Variants in STIM1 observed in about 807,000 individuals in gnomAD.
The protein encoded by STIM1 is stromal interaction molecule 1.
A neutral mutation model predicts 74.7 loss-of-function variants in STIM1; 25 were observed. The observed-to-expected ratio is 0.33, with a 90% confidence interval of 0.24 to 0.47. The LOEUF (loss-of-function observed/expected upper bound fraction) is 0.47. Ranked by LOEUF, STIM1 falls within the 20% of genes least tolerant of loss-of-function variation. STIM1 has a pLI of 1.00. For synonymous variants in STIM1, 328 were observed against 348.8 expected (o/e 0.94, Z 0.66); for missense variants, 728 against 920.8 (o/e 0.79, Z 2.71).
At chr11:3,977,985 G>A (rs1284854142) in intron 2 of STIM1, among the ~76,000 whole-genome samples, 1 of 152,072 alleles carries the variant, frequency 6.6e-6, no homozygotes, top group African/African-American at 2.4e-5. Context: ...CCAGCAGTGT[G>A]CCTAACTTGA....
chr11:4,074,374 C>T, intron 6 of STIM1, 128 bp from the exon 7 acceptor site: 1 of 1,136,102 alleles, frequency 8.8e-7, no homozygotes, highest in Non-Finnish European at 1.3e-6. Context: ...GCCAGACACA[C>T]AGCAGAGCAG....
At chr11:3,978,989 C>A (rs1198813404) in intron 2 of STIM1, among the ~76,000 whole-genome samples, 2 of 152,116 alleles carry the variant, frequency 1.3e-5, no homozygotes, top group Non-Finnish European at 2.9e-5. Flanking sequence ...CCACCCCAAA[C>A]AGAATCAGAG....
At chr11:4,004,835 C>A (rs2135930088) in intron 2 of STIM1, among the ~76,000 whole-genome samples, 1 of 152,324 alleles carries the variant, frequency 6.6e-6, no homozygotes, top group East Asian at 1.9e-4. Context: ...GCAACCTACT[C>A]ATCTGACAAA....
At chr11:3,914,417 A>G (rs949476657) in intron 1 of STIM1, among the ~76,000 whole-genome samples, 5 of 152,062 alleles carry the variant, frequency 3.3e-5, no homozygotes, top group Non-Finnish European at 5.9e-5. Flanking sequence ...TGCTAGTTAC[A>G]TGTACTTGTT....
chr11:4,005,436 T>C (rs893968389), intron 2 of STIM1, among the ~76,000 whole-genome samples: 4 of 152,092 alleles, frequency 2.6e-5, no homozygotes. Context: ...TGTAGGGACA[T>C]GGATGAAATT....
Position 3,912,406 on chromosome 11 carries a change from C to T in STIM1, c.140-55146C>T, listed in dbSNP as rs191456523. Among the ~76,000 whole-genome samples, 539 of 151,420 alleles carry T rather than the reference C, an allele frequency of 3.6e-3. 4 individuals are homozygous for T. The highest frequency in any genetic ancestry group is 5.4e-3 in the Non-Finnish European group (369 of 67,894). ...TTGAGACGGAGTTTCACTTTGGTGC[C>T]CAGGCTGTAGTGCAATGGTGCGATC... is the stretch of plus-strand genomic sequence containing the variant. On this transcript the variant is annotated intron_variant, in intron 1 of 12. Transcript: ENST00000526596.
At chr11:3,914,029 A>G (rs1013675139) in intron 1 of STIM1, among the ~76,000 whole-genome samples, 2 of 152,138 alleles carry the variant, frequency 1.3e-5, no homozygotes, top group African/African-American at 4.8e-5. Context: ...ATTTAATTAC[A>G]GTAATTACAC....
In STIM1 at chr11:3,994,788, A is replaced by T. The variant is rs1429191602; in HGVS notation, c.270+27106A>T. Among the ~76,000 whole-genome samples the T allele has an allele frequency of 2.6e-5, 4 of 152,126 alleles. No individual in the cohort carries two copies. In the East Asian group the frequency reaches 7.7e-4, roughly 29 times the overall value. ...CTGGTATTCATATATTGGTGTGATT[A>T]ATGGTGTTCTACATTTCTCTGAGGC... On this transcript the variant is annotated intron_variant, in intron 2 of 12. Coordinates refer to ENST00000526596, the MANE Select transcript of STIM1 (RefSeq NM_001382567.1).
At chr11:4,051,012 CAG>C (rs1007136784) in intron 3 of STIM1, among the ~76,000 whole-genome samples, 1 of 151,698 alleles carries the variant, frequency 6.6e-6, no homozygotes. Flanking sequence ...CTTGCTGTCT[CAG>C]GGGTGGCAGA....
At chr11:4,047,385 G>A (rs1279141336) in intron 3 of STIM1, among the ~76,000 whole-genome samples, 1 of 152,138 alleles carries the variant, frequency 6.6e-6, no homozygotes, top group East Asian at 1.9e-4. Context: ...TGAGGCCAAG[G>A]TGGGAGGATC....
intron 8 of STIM1, 116 bp downstream of exon 8, chr11:4,082,467 TG>T: frequency 1.8e-6 from 2 of 1,115,316 alleles, no homozygotes; most frequent in East Asian, 5.1e-5. Context: ...AGAGATATCC[TG>T]GTGGTGGGTT....
chr11:4,070,113 A>C lies in STIM1; in HGVS notation c.701A>C (p.Asn234Thr), dbSNP rs565898232. The change falls in exon 6 of 13, where the codon AAC (asparagine) becomes ACC (threonine). Residue 234 changes from asparagine to threonine, a missense_variant. By Grantham distance (65) the Asn-to-Thr change is moderately conservative. Around this residue, in one of 5 missense-constraint regions of STIM1, gnomAD observed 132 missense variants for 158.2 expected, o/e 0.83. Transcript: ENST00000526596. Reference sequence around the variant, plus strand: ...GGCTGCTGGTTTGCCTATATCCAGAACCGTTACTCCAAGGAGCACATGAAG... The same window carrying C: ...GGCTGCTGGTTTGCCTATATCCAGACCCGTTACTCCAAGGAGCACATGAAG... ...VGGCWFAYIQ[N>T]RYSKEHMKKM... The C allele has an allele frequency of 6.2e-7, 1 of 1,614,158 alleles. No individual in the cohort carries two copies.
chr11:4,017,368 T>C (rs1352801632), intron 2 of STIM1, among the ~76,000 whole-genome samples: 1 of 152,248 alleles, frequency 6.6e-6, no homozygotes, highest in Non-Finnish European at 1.5e-5. Context: ...CCTTGTTTTC[T>C]GACCCTACTT....
intron 3 of STIM1, among the ~76,000 whole-genome samples, chr11:4,042,618 T>C (rs1036635506): frequency 9.2e-5 from 14 of 152,172 alleles, no homozygotes; most frequent in African/African-American, 3.1e-4. Context: ...CCTTTGTCAT[T>C]TGGTGTCAGC....
At chr11:3,991,864 C>T (rs989892099) in intron 2 of STIM1, among the ~76,000 whole-genome samples, 7 of 137,960 alleles carry the variant, frequency 5.1e-5, no homozygotes, top group Non-Finnish European at 9.2e-5. Context: ...GCAGGAGAAT[C>T]GTGTGAACCT....
chr11:4,062,902 A>C (rs184320494), intron 5 of STIM1, among the ~76,000 whole-genome samples: 32 of 152,332 alleles, frequency 2.1e-4, no homozygotes, highest in Non-Finnish European at 3.7e-4. Context: ...TGGTATATAC[A>C]TACAATAGAA....
intron 3 of STIM1, among the ~76,000 whole-genome samples, chr11:4,050,447 G>A (rs943116105): frequency 1.1e-4 from 16 of 152,146 alleles, no homozygotes; most frequent in African/African-American, 3.1e-4. Context: ...TGCACCAATT[G>A]GGACAGTTCT....
At chr11:4,052,353 G>A (rs992847439) in intron 3 of STIM1, among the ~76,000 whole-genome samples, 16 of 152,192 alleles carry the variant, frequency 1.1e-4, no homozygotes, top group Admixed American at 2.0e-4. Context: ...CAAGGCTACA[G>A]TAACCAAAAC....
At chr11:3,947,724 G>C (rs1036006825) in intron 1 of STIM1, 1 of 152,204 alleles carries the variant, frequency 6.6e-6, no homozygotes, top group Non-Finnish European at 1.5e-5. Context: ...TTGGTAACCA[G>C]GTAGGCACCT....
Sources: allele counts gnomAD v4.1 joint callset (sites outside exome capture counted in the v4.1 genomes callset), GRCh38; gene constraint gnomAD v4.1.1; regional missense constraint gnomAD v4.1.1; transcripts MANE v1.5; gene names NCBI Gene and HGNC (gene_info 2026-07-23, HGNC 2026-07-21).